CSRP3: variants seen among roughly 807,000 people sequenced by gnomAD.
The protein encoded by CSRP3 is cysteine and glycine rich protein 3, also known as cysteine and glycine-rich protein 3.
Under a neutral mutation model 24.3 loss-of-function variants are expected in CSRP3, and 24 were observed. The ratio of observed to expected loss-of-function variants is 0.99; its 90% CI spans 0.71 to 1.39. The LOEUF (loss-of-function observed/expected upper bound fraction) is 1.39, where lower values mean the gene tolerates loss of function less well. CSRP3 is among the 40% of genes most tolerant of loss of function. The pLI, the probability that CSRP3 is intolerant of heterozygous loss-of-function variation, is 0.00. For missense variants in CSRP3, 240 were observed against 249.0 expected, an observed-to-expected ratio of 0.96 and a Z score of 0.24; for synonymous variants, 105 against 94.0, an observed-to-expected ratio of 1.12 and a Z score of -0.68.
At chr11:19,198,059 G>A (rs951063819) in intron 1 of CSRP3, among the ~76,000 whole-genome samples, 2 of 152,100 alleles carry the variant, frequency 1.3e-5, no homozygotes, top group African/African-American at 4.8e-5. Context: ...TGGAACTTAC[G>A]TTTCTCTGAC....
At chr11:19,197,351 TCCCTCCCTCCCTCCCTCCCTCCCTC>T (rs1424435746) in intron 1 of CSRP3, among the ~76,000 whole-genome samples, 3 of 49,272 alleles carry the variant, frequency 6.1e-5, no homozygotes, top group African/African-American at 5.7e-4. Context: ...CCTCCCTCCC[TCCCTCCCTCCCTCCCTCCCTCCCTC>T]CCTCCCTCCC....
At chr11:19,187,533 C>T (rs949150122) in intron 3 of CSRP3, among the ~76,000 whole-genome samples, 2 of 152,192 alleles carry the variant, frequency 1.3e-5, no homozygotes, top group African/African-American at 2.4e-5. Flanking sequence ...ACCCAGGGGA[C>T]CAGACTGGTG....
At chr11:19,197,388 C>CCCTTCCTT (rs869090928) in intron 1 of CSRP3, among the ~76,000 whole-genome samples, 312 of 10,750 alleles carry the variant, frequency 0.029, 1 homozygote, top group East Asian at 0.075. Flanking sequence ...CTCCCTCCCT[C>CCCTTCCTT]CCTTCCTTCC....
chr11:19,183,257 C>T (rs1273947697), intron 5 of CSRP3, among the ~76,000 whole-genome samples: 2 of 152,214 alleles, frequency 1.3e-5, no homozygotes, highest in Non-Finnish European at 2.9e-5. Flanking sequence ...GTTTACACTT[C>T]TTGCCACTTT....
chr11:19,189,151 T>C (rs1312672225), intron 2 of CSRP3, among the ~76,000 whole-genome samples: 6 of 152,238 alleles, frequency 3.9e-5, no homozygotes, highest in African/African-American at 1.4e-4. Context: ...AATTCTGTCT[T>C]TGCATCTTCA....
intron 2 of CSRP3, among the ~76,000 whole-genome samples, chr11:19,189,900 T>C (rs978408855): frequency 6.6e-6 from 1 of 152,216 alleles, no homozygotes; most frequent in African/African-American, 2.4e-5. Context: ...TATTGAGACA[T>C]AGAAGGTGTG....
At chr11:19,192,245 A>G in intron 2 of CSRP3, 92 bp downstream of exon 2, 4 of 878,100 alleles carry the variant, frequency 4.6e-6, no homozygotes, top group Non-Finnish European at 7.7e-6. Context: ...CCACACTATG[A>G]GAACCACTGG....
chr11:19,197,500 C>CCTCTTTCTTT (rs1565055419), intron 1 of CSRP3, among the ~76,000 whole-genome samples: 4 of 99,176 alleles, frequency 4.0e-5, no homozygotes. Context: ...TCCCTCTTTT[C>CCTCTTTCTTT]CTCTTTCTTT....
chr11:19,191,129 A>G (rs1850606922), intron 2 of CSRP3, among the ~76,000 whole-genome samples: 1 of 152,172 alleles, frequency 6.6e-6, no homozygotes, highest in African/African-American at 2.4e-5. Context: ...TCTTTGTTTT[A>G]TAAGTGGAGA....
chr11:19,192,688 C>A (rs545828786), intron 1 of CSRP3, among the ~76,000 whole-genome samples: 3 of 152,290 alleles, frequency 2.0e-5, no homozygotes, highest in African/African-American at 7.2e-5. Context: ...CACTTGGGAA[C>A]TCAGTTTCTT....
chr11:19,182,786 G>C, intron 5 of CSRP3, 40 bp from the exon 6 acceptor site: 1 of 1,390,076 alleles, frequency 7.2e-7, no homozygotes, highest in Non-Finnish European at 1.0e-6. Flanking sequence ...ACAATGCATT[G>C]GTTAGTGCCA....
rs760384315 is a variant in CSRP3, at chr11:19,192,451, T to G, written c.-3A>C. ...GCGCCTCCGCCCCAGTTTGGCATCT[T>G]GAAGACTATCTGGTCAAGGTCAAGT... On this transcript the variant is annotated 5_prime_UTR_variant, in exon 2 of 6. Coordinates refer to ENST00000265968, the MANE Select transcript of CSRP3 (RefSeq NM_003476.5). 3.5e-5 allele frequency: 56 copies of G among 1,612,320 alleles called. No individual in the cohort carries two copies. The highest frequency in any genetic ancestry group is 4.7e-5 in the Non-Finnish European group (55 of 1,178,428).
chr11:19,195,733 C>A (rs1036840296), intron 1 of CSRP3, among the ~76,000 whole-genome samples: 1 of 152,016 alleles, frequency 6.6e-6, no homozygotes, highest in African/African-American at 2.4e-5. Flanking sequence ...CCTAGGCATA[C>A]TTTTCAAAAT....
intron 5 of CSRP3, among the ~76,000 whole-genome samples, chr11:19,183,400 T>TTCCAGCTTAA (rs1229026041): frequency 2.0e-5 from 3 of 152,040 alleles, no homozygotes; most frequent in Non-Finnish European, 4.4e-5. Context: ...GAATGAACCA[T>TTCCAGCTTAA]GATGTCCCAG....
intron 1 of CSRP3, among the ~76,000 whole-genome samples, chr11:19,199,084 A>C (rs1850792347): frequency 6.6e-6 from 1 of 152,154 alleles, no homozygotes; most frequent in African/African-American, 2.4e-5. Flanking sequence ...TTTGTTTTTC[A>C]GCCTTTGGAG....
intron 2 of CSRP3, among the ~76,000 whole-genome samples, chr11:19,189,559 G>T (rs1049731314): frequency 6.6e-6 from 1 of 152,120 alleles, no homozygotes; most frequent in Non-Finnish European, 1.5e-5. Flanking sequence ...ATTGAATGAG[G>T]TTATTTCAGG....
intron 1 of CSRP3, among the ~76,000 whole-genome samples, chr11:19,201,192 C>T (rs1193267576): frequency 2.6e-5 from 4 of 152,198 alleles, no homozygotes; most frequent in South Asian, 2.1e-4. Flanking sequence ...GGAATCCTAA[C>T]CACTGGATAA....
chr11:19,190,247 C>T (rs1300566755), intron 2 of CSRP3, among the ~76,000 whole-genome samples: 1 of 152,210 alleles, frequency 6.6e-6, no homozygotes, highest in Non-Finnish European at 1.5e-5. Context: ...CCCTAAGGTG[C>T]CCTGGCCAAT....
rs193922667 is a variant in CSRP3 at position 19,186,265 on chromosome 11, C to T, written c.365G>A (p.Arg122Gln). Reference protein sequence around the residue: ...AKFGESEKCPRCGKSVYAAEK... With the variant: ...AKFGESEKCPQCGKSVYAAEK... ...AGCAGCATAGACTGACTTGCCACAT[C>T]GAGGGCACTTCTCGGACTCTCCAAA... The change falls in exon 4 of 6, where the codon CGA becomes CAA. Residue 122 changes from arginine (R) to glutamine (Q), a missense_variant. Arg to Gln is a conservative substitution (Grantham distance 43, BLOSUM62 1). Transcript: ENST00000265968. 21 of 1,614,200 alleles carry T rather than the reference C, an allele frequency of 1.3e-5. No homozygotes were observed. The highest frequency in any genetic ancestry group is 9.3e-5 in the African/African-American group (7 of 75,054).
Sources: gnomAD v4.1 joint callset for allele counts (sites outside exome capture counted in the v4.1 genomes callset) on GRCh38, gnomAD v4.1.1 for gene constraint, MANE v1.5 for transcripts, NCBI Gene and HGNC (gene_info 2026-07-23, HGNC 2026-07-21) for gene names.